HIVEP1: variants seen among roughly 807,000 people sequenced by gnomAD.
The protein encoded by HIVEP1 is HIVEP zinc finger 1.
HIVEP1 carries 36 observed loss-of-function variants against 180.0 expected under a neutral mutation model. The ratio of observed to expected loss-of-function variants is 0.20; its 90% CI spans 0.15 to 0.26. The LOEUF is 0.26. Ranked by LOEUF, HIVEP1 falls within the 10% of genes least tolerant of loss-of-function variation. The pLI, the probability that HIVEP1 is intolerant of heterozygous loss-of-function variation, is 1.00. For missense variants in HIVEP1, 3,143 were observed against 3,268.7 expected (o/e 0.96, Z 0.94); for synonymous variants, 1,239 against 1,239.0 (o/e 1.00, Z 0.00).
chr6:12,190,992 C>G, the HIVEP1 span, among the ~76,000 whole-genome samples: 1 of 152,020 alleles, frequency 6.6e-6, no homozygotes, highest in African/African-American at 2.4e-5. Flanking sequence ...GCTTTCTAAG[C>G]TGAACTTCCA....
At chr6:12,131,274 A>T (rs1353727546) in intron 6 of HIVEP1, among the ~76,000 whole-genome samples, 2 of 151,986 alleles carry the variant, frequency 1.3e-5, no homozygotes, top group African/African-American at 4.8e-5. Flanking sequence ...GGGGCTGAAG[A>T]ATAAAAAGAA....
At chr6:12,170,903 G>A in the HIVEP1 span, among the ~76,000 whole-genome samples, 12 of 152,176 alleles carry the variant, frequency 7.9e-5, no homozygotes, top group Non-Finnish European at 1.6e-4. Context: ...AAGCAATCAC[G>A]AGTGACCCAG....
intron 2 of HIVEP1, among the ~76,000 whole-genome samples, chr6:12,037,431 G>C (rs914577687): frequency 5.9e-5 from 9 of 152,160 alleles, no homozygotes; most frequent in African/African-American, 2.2e-4. Flanking sequence ...ATTTTCCTGA[G>C]ACCGTTTATT....
intron 3 of HIVEP1, among the ~76,000 whole-genome samples, chr6:12,116,588 G>C (rs182698777): frequency 7.9e-5 from 12 of 152,196 alleles, no homozygotes; most frequent in Non-Finnish European, 1.5e-5. Flanking sequence ...CCAAGGTCCA[G>C]GGTCATCTCA....
At chr6:12,101,696 A>T (rs1267494554) in intron 3 of HIVEP1, among the ~76,000 whole-genome samples, 1 of 152,134 alleles carries the variant, frequency 6.6e-6, no homozygotes, top group Non-Finnish European at 1.5e-5. Context: ...GAACAAAAAA[A>T]GACACAAGAC....
chr6:12,122,992 G>C lies in HIVEP1; in HGVS notation c.3197G>C (p.Cys1066Ser), dbSNP rs1421015298. 1.2e-6 allele frequency: 2 copies of C among 1,613,882 alleles called. No individual in the cohort carries two copies. The highest frequency in any genetic ancestry group is 4.5e-5 in the East Asian group (2 of 44,900). The change falls in exon 4 of 9, where the codon TGT becomes TCT. Residue 1066 changes from cysteine to serine, a missense_variant. This residue lies in a region of HIVEP1 where 1,357 missense variants were observed against 1,260.5 expected (regional missense o/e 1.08). Coordinates refer to ENST00000379388, the MANE Select transcript of HIVEP1 (RefSeq NM_002114.4). ...EGLQFQNALGCNPSLPKHNVT... is the reference protein window; with the variant it reads ...EGLQFQNALGSNPSLPKHNVT... Reference sequence around the variant, plus strand: ...CTTCAGTTTCAGAATGCTCTGGGCTGTAATCCCAGTTTGCCTAAACATAAT... The same window carrying C: ...CTTCAGTTTCAGAATGCTCTGGGCTCTAATCCCAGTTTGCCTAAACATAAT...
intron 7 of HIVEP1, among the ~76,000 whole-genome samples, chr6:12,145,011 C>T (rs1287031172): frequency 2.6e-5 from 4 of 152,184 alleles, no homozygotes; most frequent in Non-Finnish European, 4.4e-5. Flanking sequence ...CCAGCCATCC[C>T]ATTACTGGGT....
intron 2 of HIVEP1, among the ~76,000 whole-genome samples, chr6:12,016,002 C>G (rs991362473): frequency 1.3e-5 from 2 of 148,192 alleles, no homozygotes; most frequent in Non-Finnish European, 3.0e-5. Context: ...TCTTTGCCAA[C>G]TGGATCATTA....
At chr6:12,034,041 C>T (rs1204572805) in intron 2 of HIVEP1, among the ~76,000 whole-genome samples, 1 of 152,154 alleles carries the variant, frequency 6.6e-6, no homozygotes, top group Non-Finnish European at 1.5e-5. Context: ...GAACTGCAGC[C>T]GTGTGCTGTC....
chr6:12,178,277 C>G, the HIVEP1 span, among the ~76,000 whole-genome samples: 6 of 152,318 alleles, frequency 3.9e-5, no homozygotes, highest in East Asian at 5.8e-4. Flanking sequence ...AAATAACACA[C>G]TAGGAAAATG....
intron 2 of HIVEP1, among the ~76,000 whole-genome samples, chr6:12,024,449 G>A (rs1581517178): frequency 2.0e-5 from 3 of 152,128 alleles, no homozygotes; most frequent in South Asian, 4.1e-4. Flanking sequence ...GGAACCATAC[G>A]ATTTAAGAGT....
intron 2 of HIVEP1, among the ~76,000 whole-genome samples, chr6:12,079,946 A>G (rs997766589): frequency 1.3e-5 from 2 of 151,336 alleles, no homozygotes; most frequent in African/African-American, 4.9e-5. Flanking sequence ...CTATCTATCT[A>G]TCTATCTATC....
chr6:12,210,105 AAAAAAAAAAGAAAAAGG>A, the HIVEP1 span, among the ~76,000 whole-genome samples: 3 of 152,016 alleles, frequency 2.0e-5, no homozygotes, highest in African/African-American at 4.8e-5. Context: ...TCTGTCTTAA[AAAAAAAAAAGAAAAAGG>A]AGTTTATGGT....
In HIVEP1 at chr6:12,135,036, C is replaced by T. The variant is rs529410802; in HGVS notation, c.6386-755C>T. ...TCAAAGCTAACATGGTGAACAGATA[C>T]TAACAAAAAAATTAAAAGGCCTTAT... On this transcript the variant is annotated intron_variant, in intron 6 of 8. Coordinates refer to ENST00000379388, the MANE Select transcript of HIVEP1 (RefSeq NM_002114.4). 2.7e-4 allele frequency among the ~76,000 whole-genome samples: 41 copies of T among 152,184 alleles called. 1 individual carries two copies. The South Asian group carries it at 8.1e-3, about 30-fold the overall frequency.
chr6:12,033,986 T>C (rs1463724456), intron 2 of HIVEP1, among the ~76,000 whole-genome samples: 1 of 152,224 alleles, frequency 6.6e-6, no homozygotes, highest in East Asian at 1.9e-4. Context: ...TGGTTAAAGA[T>C]TGGATGGGAT....
chr6:12,152,307 G>A (rs754809805), intron 7 of HIVEP1, among the ~76,000 whole-genome samples: 1 of 152,120 alleles, frequency 6.6e-6, no homozygotes, highest in Non-Finnish European at 1.5e-5. Flanking sequence ...ACAAGTCCTC[G>A]TTCTTGTCCT....
Position 12,123,345 on chromosome 6 carries a change from A to G in HIVEP1, c.3550A>G (p.Ser1184Gly). 1.2e-6 allele frequency: 2 copies of G among 1,614,180 alleles called. No individual in the cohort carries two copies. Among genetic ancestry groups the G allele is most frequent in the Non-Finnish European group, 1.7e-6 (2 of 1,180,030 alleles). The change falls in exon 4 of 9, where the codon AGT (serine) becomes GGT (glycine). Residue 1184 changes from serine to glycine, a missense_variant. This residue lies in a region of HIVEP1 where 1,357 missense variants were observed against 1,260.5 expected (regional missense o/e 1.08). Transcript: ENST00000379388. ...AGTGATAGGAATCTCCCAAGAGGAA[A>G]GTCACCCTTCTCGGGACGGGTCTCA... ...LKVIGISQEE[S>G]HPSRDGSHPH... is the part of the protein sequence containing the mutation.
chr6:12,090,735 C>CTTTTTTTTTTTTTTTTTTTTTTTTTTT (rs35266647), intron 3 of HIVEP1, among the ~76,000 whole-genome samples: 1 of 82,440 alleles, frequency 1.2e-5, no homozygotes, highest in African/African-American at 4.7e-5. Flanking sequence ...TATAGCCAGC[C>CTTTTTTTTTTTTTTTTTTTTTTTTTTT]TTTTTTTTTT....
chr6:12,065,951 T>G (rs1581613460), intron 2 of HIVEP1, among the ~76,000 whole-genome samples: 1 of 152,162 alleles, frequency 6.6e-6, no homozygotes, highest in East Asian at 1.9e-4. Context: ...TATCCCCCAG[T>G]AGGGCCTGAA....
Sources: gnomAD v4.1 joint callset for allele counts (sites outside exome capture counted in the v4.1 genomes callset) on GRCh38, gnomAD v4.1.1 for gene constraint, gnomAD v4.1.1 regional missense constraint, MANE v1.5 for transcripts, NCBI Gene and HGNC (gene_info 2026-07-23, HGNC 2026-07-21) for gene names.